LRRC4C: variants seen among roughly 807,000 people sequenced by gnomAD.
LRRC4C encodes the protein leucine rich repeat containing 4C, also known as leucine-rich repeat-containing protein 4C.
LRRC4C carries 5 observed loss-of-function variants against 33.6 expected under a neutral mutation model. The observed-to-expected ratio is 0.15, with a 90% confidence interval of 0.08 to 0.31. The LOEUF is 0.31. Ranked by LOEUF, LRRC4C falls within the 10% of genes least tolerant of loss-of-function variation. The probability of loss-of-function intolerance (pLI) is 1.00; values close to 1 mark genes in which losing one functional copy is unlikely to be tolerated. For missense variants in LRRC4C, 560 were observed against 796.7 expected (o/e 0.70, Z 3.58); for synonymous variants, 329 against 302.0 (o/e 1.09, Z -0.93).
chr11:41,113,271 A>G (rs965843502), intron 1 of LRRC4C, among the ~76,000 whole-genome samples: 2 of 152,048 alleles, frequency 1.3e-5, no homozygotes, highest in Non-Finnish European at 2.9e-5. Flanking sequence ...GAGGGCACAG[A>G]CCCACTGCAA....
At chr11:40,256,412 T>A (rs187435015) in intron 4 of LRRC4C, among the ~76,000 whole-genome samples, 21 of 152,260 alleles carry the variant, frequency 1.4e-4, no homozygotes, top group Admixed American at 1.0e-3. Context: ...AAAATCTTGG[T>A]AGAGTGCATG....
intron 3 of LRRC4C, among the ~76,000 whole-genome samples, chr11:40,527,670 G>C (rs1956107793): frequency 1.3e-5 from 2 of 152,120 alleles, no homozygotes; most frequent in Non-Finnish European, 2.9e-5. Context: ...AAAAGCTAAA[G>C]TGCCATTGAA....
chr11:41,243,745 G>A (rs201389543), intron 1 of LRRC4C, among the ~76,000 whole-genome samples: 2 of 152,108 alleles, frequency 1.3e-5, no homozygotes, highest in Non-Finnish European at 2.9e-5. Context: ...TAGGAGACAA[G>A]TTTTCTGAAA....
chr11:40,554,278 A>G (rs1294146035), intron 3 of LRRC4C, among the ~76,000 whole-genome samples: 1 of 152,082 alleles, frequency 6.6e-6, no homozygotes, highest in Non-Finnish European at 1.5e-5. Flanking sequence ...TAGGTTCTCT[A>G]TTGTGTTCTA....
chr11:40,690,249 A>G (rs1215669459), intron 2 of LRRC4C, among the ~76,000 whole-genome samples: 2 of 152,124 alleles, frequency 1.3e-5, no homozygotes, highest in Non-Finnish European at 2.9e-5. Flanking sequence ...ATTTAATTCT[A>G]TGTGGTAGAT....
intron 3 of LRRC4C, among the ~76,000 whole-genome samples, chr11:40,433,018 TAA>T (rs1248350504): frequency 1.3e-5 from 2 of 152,162 alleles, no homozygotes; most frequent in Non-Finnish European, 2.9e-5. Context: ...GCATAATGAA[TAA>T]AGTCATAATA....
rs1158464665 is a variant in LRRC4C, at chr11:40,442,162, C to CAAAA, written c.-269-122445_-269-122442dup. On this transcript the variant is annotated intron_variant, in intron 3 of 6. Coordinates refer to ENST00000528697, the MANE Select transcript of LRRC4C (RefSeq NM_001258419.2). ...TGGGTGACAGAGCCAGACTCCATTT[C>CAAAA]AAAAAAAAAAAAAAAAAAAAAAAAA... Among the ~76,000 whole-genome samples the CAAAA allele has an allele frequency of 3.0e-4, 17 of 56,176 alleles. 2 individuals are homozygous for CAAAA. The highest frequency in any genetic ancestry group is 6.2e-4 in the African/African-American group (9 of 14,530). The allele number at this position is 56,176 out of a possible 152,430, so 36.9% of individuals were successfully genotyped here. A position where few individuals can be genotyped will look rare whatever the true frequency, so the allele number is the denominator to read the frequency against.
intron 1 of LRRC4C, among the ~76,000 whole-genome samples, chr11:41,330,219 G>C (rs1417632364): frequency 6.6e-6 from 1 of 152,140 alleles, no homozygotes; most frequent in East Asian, 1.9e-4. Flanking sequence ...TATTGTAACT[G>C]TGCAGGAGGA....
chr11:41,035,339 A>G (rs1408209703), intron 1 of LRRC4C, among the ~76,000 whole-genome samples: 4 of 152,172 alleles, frequency 2.6e-5, no homozygotes, highest in Non-Finnish European at 5.9e-5. Flanking sequence ...TAAGGTCAGC[A>G]TGTATTAGAT....
At chr11:40,544,448 C>T (rs1346921567) in intron 3 of LRRC4C, among the ~76,000 whole-genome samples, 1 of 152,090 alleles carries the variant, frequency 6.6e-6, no homozygotes, top group South Asian at 2.1e-4. Context: ...TTCACAGATT[C>T]TTTGTACCTA....
At chr11:40,910,166 T>C (rs925216101) in intron 2 of LRRC4C, among the ~76,000 whole-genome samples, 1 of 152,184 alleles carries the variant, frequency 6.6e-6, no homozygotes, top group Non-Finnish European at 1.5e-5. Context: ...ATTTAGGATA[T>C]ACCTATCATC....
chr11:41,194,917 A>G (rs1946116873), intron 1 of LRRC4C, among the ~76,000 whole-genome samples: 1 of 152,102 alleles, frequency 6.6e-6, no homozygotes, highest in African/African-American at 2.4e-5. Context: ...TATCAAATGT[A>G]CTGATCCTAG....
chr11:40,673,049 T>A (rs1389575435), intron 2 of LRRC4C, among the ~76,000 whole-genome samples: 4 of 151,844 alleles, frequency 2.6e-5, no homozygotes, highest in African/African-American at 9.7e-5. Flanking sequence ...AAAAAAACAG[T>A]TAAGTAGCAA....
At chr11:40,824,454 T>C (rs1180449874) in intron 2 of LRRC4C, among the ~76,000 whole-genome samples, 1 of 151,666 alleles carries the variant, frequency 6.6e-6, no homozygotes, top group African/African-American at 2.4e-5. Context: ...CATCCATATG[T>C]AAAATAGGTA....
At chr11:40,604,221 A>C (rs916002501) in intron 3 of LRRC4C, among the ~76,000 whole-genome samples, 5 of 152,106 alleles carry the variant, frequency 3.3e-5, no homozygotes, top group South Asian at 2.1e-4. Context: ...TTTTTCACTA[A>C]AAATGTTTCC....
chr11:40,757,619 T>C (rs1222304616), intron 2 of LRRC4C, among the ~76,000 whole-genome samples: 1 of 150,382 alleles, frequency 6.6e-6, no homozygotes, highest in Non-Finnish European at 1.5e-5. Context: ...TTTTTTACTA[T>C]TTTTTTCTCA....
chr11:40,664,280 C>T (rs562344380), intron 2 of LRRC4C, among the ~76,000 whole-genome samples: 10 of 152,274 alleles, frequency 6.6e-5, no homozygotes, highest in Admixed American at 4.6e-4. Context: ...CATGGTGGCT[C>T]ATGCCTATAA....
In LRRC4C at chr11:40,843,655, T is replaced by C. The variant is rs543509968; in HGVS notation, c.-407+89980A>G. Among the ~76,000 whole-genome samples, 6 of 152,300 alleles carry C rather than the reference T, an allele frequency of 3.9e-5. No individual in the cohort carries two copies. The East Asian group carries it at 1.2e-3, about 29-fold the overall frequency. On this transcript the variant is annotated intron_variant, in intron 2 of 6. Transcript: ENST00000528697. ...CATTGGTAAGGATACAAAGCAACTATGTTCAAAACAAGTTTATGCAGATTC... is the reference window on the plus strand; with the variant it reads ...CATTGGTAAGGATACAAAGCAACTACGTTCAAAACAAGTTTATGCAGATTC...
intron 3 of LRRC4C, among the ~76,000 whole-genome samples, chr11:40,441,247 A>G (rs1951380158): frequency 6.6e-6 from 1 of 152,168 alleles, no homozygotes; most frequent in Admixed American, 6.5e-5. Flanking sequence ...CAGGTTGTAG[A>G]TATTTGCTCA....
Sources: gnomAD v4.1 joint callset for allele counts (sites outside exome capture counted in the v4.1 genomes callset) on GRCh38, gnomAD v4.1.1 for gene constraint, MANE v1.5 for transcripts, NCBI Gene and HGNC (gene_info 2026-07-23, HGNC 2026-07-21) for gene names.